NAGLU: variants seen among roughly 807,000 people sequenced by gnomAD.
NAGLU encodes the protein alpha-N-acetylglucosaminidase.
In NAGLU, 34 loss-of-function variants were observed where a neutral mutation model predicts 43.4. The observed-to-expected ratio is 0.78, with a 90% CI of 0.60 to 1.04. The LOEUF (loss-of-function observed/expected upper bound fraction) is 1.04, where lower values mean the gene tolerates loss of function less well. Among genes scored for constraint, NAGLU ranks in the 50% least tolerant of loss-of-function variants. The pLI, the probability that NAGLU is intolerant of heterozygous loss-of-function variation, is 0.00. For missense variants in NAGLU, 910 were observed against 993.7 expected (o/e 0.92, Z 1.13); for synonymous variants, 425 against 437.6 (o/e 0.97, Z 0.36).
At position 42,536,620 on chromosome 17, in the gene NAGLU, C is replaced by T. The variant is rs559674042; in HGVS notation, c.348C>T (p.Ala116=). ...TGCGCCTGCCGCGGCCACTGCCAGC[C>T]GTGCCGGGGGAGCTGACCGAGGCCA... is the stretch of plus-strand genomic sequence containing the variant. ...SQLRLPRPLP[A]VPGELTEATP... is the part of the protein sequence containing the mutation. The change falls in exon 1 of 6, where the codon GCC becomes GCT. Residue 116 remains alanine (A), a synonymous_variant. Transcript: ENST00000225927. The T allele has an allele frequency of 3.6e-4, 546 of 1,496,288 alleles. No individual in the cohort carries two copies. The highest frequency in any genetic ancestry group is 4.5e-4 in the Non-Finnish European group (512 of 1,130,998). 92.7% of individuals were successfully genotyped at this position (1,496,288 alleles called of 1,614,324 possible).
At chr17:42,537,610 C>T (rs911654135) in intron 2 of NAGLU, 65 bp downstream of exon 2, 32 of 1,586,696 alleles carry the variant, frequency 2.0e-5, no homozygotes, top group Non-Finnish European at 5.1e-6. Flanking sequence ...TGTTTTCACC[C>T]GCCCCCCAGC....
chr17:42,540,881 G>A, intron 4 of NAGLU, 69 bp from the exon 5 acceptor site: 1 of 1,612,100 alleles, frequency 6.2e-7, no homozygotes, highest in Non-Finnish European at 8.5e-7. Context: ...AAGTTGGCAA[G>A]GCTGTTGAAC....
chr17:42,543,183 C>T lies in NAGLU; in HGVS notation c.1177C>T (p.Arg393Cys), dbSNP rs1272515676. The part of the protein sequence containing the change: ...LFAESQPVYT[R>C]TASFQGQPFI... ...TGCTGAGAGCCAGCCTGTGTATACC[C>T]GCACTGCCTCCTTCCAGGGCCAGCC... is the stretch of plus-strand genomic sequence containing the variant. Residue 393 changes from arginine to cysteine, a missense_variant, in exon 6 of 6, where the codon CGC becomes TGC. Transcript: ENST00000225927. 2.1e-5 allele frequency: 34 copies of T among 1,614,086 alleles called. 1 individual carries two copies. The Admixed American group carries it at 4.0e-4, about 19-fold the overall frequency.
chr17:42,537,860 TA>T lies in NAGLU; in HGVS notation c.531+335del, dbSNP rs908141983. Among the ~76,000 whole-genome samples, 131 of 109,040 alleles carry T rather than the reference TA, an allele frequency of 1.2e-3. 1 individual carries two copies. Among genetic ancestry groups the T allele is most frequent in the Middle Eastern group, 0.01 (2 of 198 alleles). The allele number at this position is 109,040 out of a possible 152,430, so 71.5% of individuals were successfully genotyped here. A position where few individuals can be genotyped will look rare whatever the true frequency, so the allele number is the denominator to read the frequency against. ...CTGGGCAACAGAGCGAGACTCTGTC[TA>T]AAAAAAAAAAAAAAAAAAACTGAGG... On this transcript the variant is annotated intron_variant, in intron 2 of 5. Coordinates refer to ENST00000225927, the MANE Select transcript of NAGLU (RefSeq NM_000263.4).
chr17:42,537,685 C>CT lies in NAGLU; in HGVS notation c.531+141dup, dbSNP rs1403945628. On this transcript the variant is annotated intron_variant, in intron 2 of 5. Coordinates refer to ENST00000225927, the MANE Select transcript of NAGLU (RefSeq NM_000263.4). ...CACAGTGGCTTGGGCCTCCTAAAAA[C>CT]TGAGGCTTCCGGCCGGGCGCGGTGG... is the stretch of plus-strand genomic sequence containing the variant. 5.7e-5 allele frequency: 72 copies of CT among 1,262,034 alleles called. 1 individual carries two copies. The highest frequency in any genetic ancestry group is 7.2e-5 in the Non-Finnish European group (66 of 917,428). 78.2% of individuals were successfully genotyped at this position (1,262,034 alleles called of 1,614,324 possible).
rs753670246 is a variant in NAGLU at position 42,543,924 on chromosome 17, C to G, written c.1918C>G (p.Gln640Glu). The G allele has an allele frequency of 2.2e-5, 36 of 1,607,068 alleles. No homozygotes were observed. The highest frequency in any genetic ancestry group is 3.1e-5 in the Non-Finnish European group (36 of 1,177,168). ...VSEAEADFYE[Q>E]NSRYQLTLWG... Reference sequence around the variant, plus strand: ...TGAGGCCGAGGCCGATTTCTACGAGCAGAACAGCCGCTACCAGCTGACCTT... The same window carrying G: ...TGAGGCCGAGGCCGATTTCTACGAGGAGAACAGCCGCTACCAGCTGACCTT... The change falls in exon 6 of 6, where the codon CAG becomes GAG. Residue 640 changes from glutamine to glutamate, a missense_variant. Coordinates refer to ENST00000225927, the MANE Select transcript of NAGLU (RefSeq NM_000263.4).
rs2143112704 is a variant in NAGLU at position 42,543,692 on chromosome 17, C to T, written c.1686C>T (p.Asp562=). Residue 562 remains aspartate (D), a synonymous_variant, in exon 6 of 6, where the codon GAC becomes GAT. Transcript: ENST00000225927. ...TSPAFRYDLL[D]LTRQAVQELV... is the part of the protein sequence containing the mutation. Reference sequence around the variant, plus strand: ...CCGCCTTCCGCTACGACCTGCTGGACCTCACTCGGCAGGCAGTGCAGGAGC... The same window carrying T: ...CCGCCTTCCGCTACGACCTGCTGGATCTCACTCGGCAGGCAGTGCAGGAGC... The T allele has an allele frequency of 6.2e-7, 1 of 1,612,862 alleles. No homozygotes were observed. The highest frequency in any genetic ancestry group is 8.5e-7 in the Non-Finnish European group (1 of 1,180,018).
chr17:42,538,753 C>T lies in NAGLU; in HGVS notation c.762C>T (p.Thr254=). 6.2e-7 allele frequency: 1 copy of T among 1,613,916 alleles called. No homozygotes were observed. The highest frequency in any genetic ancestry group is 8.5e-7 in the Non-Finnish European group (1 of 1,180,024). The change falls in exon 4 of 6, where the codon ACC becomes ACT. Residue 254 remains threonine (T), a splice_region_variant and synonymous_variant. Coordinates refer to ENST00000225927, the MANE Select transcript of NAGLU (RefSeq NM_000263.4). ...CGGGGCATGTTCCCGAGGCTGTCAC[C>T]AGGTGAGGTTCCGCTCACCCCCTCC... ...AFAGHVPEAV[T]RVFPQVNVTK... is the part of the protein sequence containing the mutation.
At chr17:42,536,997 C>T (rs998489988) in intron 1 of NAGLU, 2 of 452,142 alleles carry the variant, frequency 4.4e-6, no homozygotes, top group Non-Finnish European at 8.0e-6. Context: ...GCCTCCATCC[C>T]CCACCCTACA....
chr17:42,537,877 A>C (rs1224445519), intron 2 of NAGLU, among the ~76,000 whole-genome samples: 4 of 151,912 alleles, frequency 2.6e-5, no homozygotes, highest in Admixed American at 2.0e-4. Context: ...AAAAAAAAAA[A>C]AAACTGAGGC....
chr17:42,543,950 G>GT lies in NAGLU; in HGVS notation c.1945dup (p.Trp649LeufsTer36). The GT allele has an allele frequency of 6.2e-7, 1 of 1,609,242 alleles. No individual in the cohort carries two copies. The highest frequency in any genetic ancestry group is 1.1e-5 in the South Asian group (1 of 90,216). On this transcript the variant is annotated frameshift_variant, in exon 6 of 6. Coordinates refer to ENST00000225927, the MANE Select transcript of NAGLU (RefSeq NM_000263.4). LOFTEE classifies it low-confidence loss of function (END_TRUNC). ...AGAACAGCCGCTACCAGCTGACCTT[G>GT]TGGGGGCCAGAAGGCAACATCCTGG...
intron 2 of NAGLU, among the ~76,000 whole-genome samples, 198 bp from the exon 3 acceptor site, chr17:42,538,141 C>T (rs576051541): frequency 4.0e-4 from 61 of 152,212 alleles, no homozygotes; most frequent in Non-Finnish European, 6.3e-4. Flanking sequence ...CTCACCCATG[C>T]GACAAAGGCA....
chr17:42,539,122 A>G (rs1483652561), intron 4 of NAGLU, among the ~76,000 whole-genome samples: 1 of 152,204 alleles, frequency 6.6e-6, no homozygotes, highest in Non-Finnish European at 1.5e-5. Flanking sequence ...CTCTGTCTCA[A>G]ACAAACAAAC....
chr17:42,540,926 A>G (rs2143097679), intron 4 of NAGLU, 24 bp from the exon 5 acceptor site: 1 of 1,614,152 alleles, frequency 6.2e-7, no homozygotes, highest in Non-Finnish European at 8.5e-7. Flanking sequence ...TCCATGAAAT[A>G]TCTGAGCTTT....
At position 42,536,616 on chromosome 17, in the gene NAGLU, C is replaced by G; in HGVS notation, c.344C>G (p.Pro115Arg). ...CAGCTGCGCCTGCCGCGGCCACTGC[C>G]AGCCGTGCCGGGGGAGCTGACCGAG... ...GSQLRLPRPL[P>R]AVPGELTEAT... is the part of the protein sequence containing the mutation. The change falls in exon 1 of 6, where the codon CCA (proline) becomes CGA (arginine). Residue 115 changes from proline (P) to arginine (R), a missense_variant. Coordinates refer to ENST00000225927, the MANE Select transcript of NAGLU (RefSeq NM_000263.4). The G allele has an allele frequency of 6.7e-7, 1 of 1,496,052 alleles. No individual in the cohort carries two copies. The highest frequency in any genetic ancestry group is 8.8e-7 in the Non-Finnish European group (1 of 1,131,036). The allele number at this position is 1,496,052 out of a possible 1,614,324, so 92.7% of individuals were successfully genotyped here. A position where few individuals can be genotyped will look rare whatever the true frequency, so the allele number is the denominator to read the frequency against.
rs553293896 is a variant in NAGLU, at chr17:42,543,198, C to A, written c.1192C>A (p.Gln398Lys). The A allele has an allele frequency of 1.9e-5, 31 of 1,614,222 alleles. No individual in the cohort carries two copies. The South Asian group carries it at 3.2e-4, about 17-fold the overall frequency. Residue 398 changes from glutamine to lysine, a missense_variant, in exon 6 of 6, where the codon CAG becomes AAG. Gln to Lys is a moderately conservative substitution (Grantham distance 53). Transcript: ENST00000225927. ...TGTGTATACCCGCACTGCCTCCTTC[C>A]AGGGCCAGCCCTTCATCTGGTGCAT... is the stretch of plus-strand genomic sequence containing the variant. Reference protein sequence around the residue: ...QPVYTRTASFQGQPFIWCMLH... With the variant: ...QPVYTRTASFKGQPFIWCMLH...
Position 42,544,330 on chromosome 17 carries a change from C to T in NAGLU, c.*92C>T, listed in dbSNP as rs887471174. 13 of 1,580,524 alleles carry T rather than the reference C, an allele frequency of 8.2e-6. No individual in the cohort carries two copies. In the African/African-American group the frequency reaches 1.1e-4, roughly 13 times the overall value. ...ACAGACATCACAGGATAACCCAGGC[C>T]TGGGAGGAGGCCCCACGGCCTGCTG... On this transcript the variant is annotated 3_prime_UTR_variant, in exon 6 of 6. Transcript: ENST00000225927.
chr17:42,541,049 C>A lies in NAGLU; in HGVS notation c.864C>A (p.Phe288Leu). ...SFLLAPEDPI[F>L]PIIGSLFLRE... ...TTCTGGCTCCGGAAGACCCCATATT[C>A]CCCATCATCGGGAGCCTCTTCCTGC... Residue 288 changes from phenylalanine to leucine, a missense_variant, in exon 5 of 6, where the codon TTC becomes TTA. Transcript: ENST00000225927. The A allele has an allele frequency of 6.2e-7, 1 of 1,614,200 alleles. No homozygotes were observed. Among genetic ancestry groups the A allele is most frequent in the Non-Finnish European group, 8.5e-7 (1 of 1,180,040 alleles).
chr17:42,541,389 G>A (rs1211549321), intron 5 of NAGLU, among the ~76,000 whole-genome samples, 183 bp downstream of exon 5: 1 of 152,212 alleles, frequency 6.6e-6, no homozygotes, highest in African/African-American at 2.4e-5. Context: ...GTTGAGAGGT[G>A]AGCTCTGGAA....
Sources: gnomAD v4.1 joint callset for allele counts (sites outside exome capture counted in the v4.1 genomes callset) on GRCh38, gnomAD v4.1.1 for gene constraint, MANE v1.5 for transcripts, NCBI Gene and HGNC (gene_info 2026-07-23, HGNC 2026-07-21) for gene names.